The following ZNF382 variants were observed in gnomAD, a reference collection of about 807,000 sequenced individuals.
ZNF382 encodes KRAB/zinc finger suppressor protein 1.
A neutral mutation model predicts 38.8 loss-of-function variants in ZNF382; 20 were observed. The observed-to-expected ratio is 0.51, with a 90% CI of 0.36 to 0.75. The LOEUF is 0.75. ZNF382 is among the 30% of genes least tolerant of loss of function. The pLI is 0.00. For synonymous variants in ZNF382, 202 were observed against 223.1 expected (o/e 0.91, Z 0.84); for missense variants, 546 against 654.1 (o/e 0.83, Z 1.80).
intron 1 of ZNF382, chr19:36,605,778 G>C (rs1214413689): frequency 6.6e-6 from 1 of 152,504 alleles, no homozygotes; most frequent in Non-Finnish European, 1.5e-5. Context: ...TGTGAAAAGT[G>C]AACGGAGTAG....
intron 4 of ZNF382, 56 bp from the exon 5 acceptor site, chr19:36,626,074 A>C (rs2037210174): frequency 4.5e-6 from 6 of 1,335,962 alleles, no homozygotes; most frequent in Non-Finnish European, 6.1e-6. Context: ...CTGTATGTAT[A>C]CCCAATCCAT....
Position 36,628,683 on chromosome 19 carries a change from TAGAGA to T in ZNF382, c.*1135_*1139del, listed in dbSNP as rs1288615240. ...TTGTTCAACATCAGAGAATTCCAAC[TAGAGA>T]AAAGTCCTGTGACTGTGTTGAAGTT... On this transcript the variant is annotated 3_prime_UTR_variant, in exon 5 of 5. Coordinates refer to ENST00000292928, the MANE Select transcript of ZNF382 (RefSeq NM_032825.5). The T allele has an allele frequency of 4.6e-5, 7 of 152,534 alleles. No homozygotes were observed. Among genetic ancestry groups the T allele is most frequent in the Non-Finnish European group, 1.5e-5 (1 of 68,030 alleles). 9.4% of individuals were successfully genotyped at this position (152,534 alleles called of 1,614,324 possible).
At position 36,626,395 on chromosome 19, in the gene ZNF382, A is replaced by T; in HGVS notation, c.498A>T (p.Gly166=). 6.3e-7 allele frequency: 1 copy of T among 1,598,472 alleles called. No homozygotes were observed. The highest frequency in any genetic ancestry group is 8.5e-7 in the Non-Finnish European group (1 of 1,175,250). ...PIKEKFGDST[G]WEKSLLNTKH... is the part of the protein sequence containing the mutation. ...AAGAGAAGTTTGGTGACAGTACTGG[A>T]TGGGAGAAATCACTCCTCAATACCA... is the stretch of plus-strand genomic sequence containing the variant. The change falls in exon 5 of 5, where the codon GGA becomes GGT. Residue 166 remains glycine (G), a synonymous_variant. Coordinates refer to ENST00000292928, the MANE Select transcript of ZNF382 (RefSeq NM_032825.5).
At position 36,629,973 on chromosome 19, in the gene ZNF382, A is replaced by G. The variant is rs2037243003; in HGVS notation, c.*2423A>G. On this transcript the variant is annotated 3_prime_UTR_variant, in exon 5 of 5. Coordinates refer to ENST00000292928, the MANE Select transcript of ZNF382 (RefSeq NM_032825.5). ...TGTAAATATATGGATTCTAGAGTCAATGAGCAAAGGTATTGTTGTTACTAA... is the reference window on the plus strand; with the variant it reads ...TGTAAATATATGGATTCTAGAGTCAGTGAGCAAAGGTATTGTTGTTACTAA... 1 of 152,162 alleles carries G rather than the reference A, an allele frequency of 6.6e-6. No homozygotes were observed. Among genetic ancestry groups the G allele is most frequent in the African/African-American group, 2.4e-5 (1 of 41,438 alleles). The allele number at this position is 152,162 out of a possible 1,614,324, so 9.4% of individuals were successfully genotyped here.
chr19:36,619,597 A>G (rs997939461), intron 4 of ZNF382, among the ~76,000 whole-genome samples: 2 of 152,232 alleles, frequency 1.3e-5, no homozygotes, highest in African/African-American at 4.8e-5. Context: ...AACACTGTTC[A>G]CATGGAAGTG....
chr19:36,616,073 T>G (rs890106943), intron 4 of ZNF382, among the ~76,000 whole-genome samples: 3 of 152,168 alleles, frequency 2.0e-5, no homozygotes, highest in Non-Finnish European at 4.4e-5. Context: ...GAATAAACTC[T>G]TTAAGGGAGT....
chr19:36,620,899 C>T (rs1461233601), intron 4 of ZNF382, among the ~76,000 whole-genome samples: 1 of 152,026 alleles, frequency 6.6e-6, no homozygotes, highest in Non-Finnish European at 1.5e-5. Context: ...GCTGGGATTA[C>T]AGGCACGTGC....
intron 4 of ZNF382, among the ~76,000 whole-genome samples, chr19:36,625,120 ATATATAT>A (rs2037201480): frequency 7.7e-6 from 1 of 129,696 alleles, no homozygotes; most frequent in Non-Finnish European, 1.6e-5. Flanking sequence ...ATATATATAT[ATATATAT>A]AATGTATACA....
chr19:36,613,477 G>A (rs1310928499), intron 4 of ZNF382, among the ~76,000 whole-genome samples: 6 of 147,340 alleles, frequency 4.1e-5, no homozygotes, highest in South Asian at 4.3e-4. Flanking sequence ...AGGCTGGAGC[G>A]CAATGGTGTG....
intron 4 of ZNF382, among the ~76,000 whole-genome samples, chr19:36,619,626 A>G (rs1485750514): frequency 6.6e-6 from 1 of 152,210 alleles, no homozygotes; most frequent in Non-Finnish European, 1.5e-5. Context: ...GAAGGTGACA[A>G]AGCGTTTTAA....
At chr19:36,612,982 G>A (rs773088996) in intron 4 of ZNF382, among the ~76,000 whole-genome samples, 2 of 151,948 alleles carry the variant, frequency 1.3e-5, no homozygotes, top group African/African-American at 2.4e-5. Flanking sequence ...TAGTAGAGAC[G>A]GGGTTTCATC....
intron 4 of ZNF382, among the ~76,000 whole-genome samples, chr19:36,625,391 C>T (rs965424732): frequency 9.9e-5 from 15 of 151,754 alleles, no homozygotes; most frequent in African/African-American, 2.7e-4. Flanking sequence ...CACATTTAGT[C>T]GTGAGGGGAT....
chr19:36,610,091 T>A, intron 3 of ZNF382, 38 bp downstream of exon 3: 1 of 1,603,316 alleles, frequency 6.2e-7, no homozygotes, highest in Non-Finnish European at 8.5e-7. Context: ...GTCATGCATC[T>A]CCTTCTAAGA....
At chr19:36,610,938 C>A (rs2037072496) in intron 4 of ZNF382, among the ~76,000 whole-genome samples, 196 bp downstream of exon 4, 1 of 152,174 alleles carries the variant, frequency 6.6e-6, no homozygotes, top group African/African-American at 2.4e-5. Flanking sequence ...CCATCCATCT[C>A]CAGAACTATT....
At position 36,627,355 on chromosome 19, in the gene ZNF382, T is replaced by C. The variant is rs1600397734; in HGVS notation, c.1458T>C (p.His486=). 9.3e-6 allele frequency: 15 copies of C among 1,614,100 alleles called. No homozygotes were observed. The East Asian group carries it at 3.1e-4, about 34-fold the overall frequency. The stretch of plus-strand genomic sequence containing the variant: ...TCCTCACTGTTCATCACAGAATACA[T>C]ACAGGAGAAAAATCCAATGGGTGTC... ...KAILTVHHRI[H]TGEKSNGCPQ... The change falls in exon 5 of 5, where the codon CAT becomes CAC. Residue 486 remains histidine (H), a synonymous_variant. Coordinates refer to ENST00000292928, the MANE Select transcript of ZNF382 (RefSeq NM_032825.5).
chr19:36,617,985 G>A (rs1184979978), intron 4 of ZNF382, among the ~76,000 whole-genome samples: 1 of 152,180 alleles, frequency 6.6e-6, no homozygotes, highest in East Asian at 1.9e-4. Context: ...GGCCCTTCTG[G>A]AGTCTCGATG....
intron 4 of ZNF382, among the ~76,000 whole-genome samples, chr19:36,620,194 G>C (rs189282339): frequency 6.6e-6 from 1 of 152,030 alleles, no homozygotes; most frequent in African/African-American, 2.4e-5. Context: ...CTACCACCAG[G>C]TTCCAAAATC....
rs1340623374 is a variant in ZNF382 at position 36,632,652 on chromosome 19, C to G, written c.*5102C>G. 1 of 152,218 alleles carries G rather than the reference C, an allele frequency of 6.6e-6. No homozygotes were observed. The highest frequency in any genetic ancestry group is 1.5e-5 in the Non-Finnish European group (1 of 68,044). The allele number at this position is 152,218 out of a possible 1,614,324, so 9.4% of individuals were successfully genotyped here. A position where few individuals can be genotyped will look rare whatever the true frequency, so the allele number is the denominator to read the frequency against. ...AGACTTTAACTAGTACCTTGTATAG[C>G]TCACTGGCCTTATCCCAACCAAGAG... On this transcript the variant is annotated 3_prime_UTR_variant, in exon 5 of 5. Coordinates refer to ENST00000292928, the MANE Select transcript of ZNF382 (RefSeq NM_032825.5).
intron 4 of ZNF382, among the ~76,000 whole-genome samples, chr19:36,614,265 G>A (rs970015215): frequency 1.1e-4 from 16 of 152,224 alleles, no homozygotes; most frequent in African/African-American, 1.7e-4. Flanking sequence ...GCTTGAACCC[G>A]GAAGGCACAG....
Sources: allele counts gnomAD v4.1 joint callset (sites outside exome capture counted in the v4.1 genomes callset), GRCh38; gene constraint gnomAD v4.1.1; transcripts MANE v1.5; gene names NCBI Gene and HGNC (gene_info 2026-07-23, HGNC 2026-07-21).